CASQ2: variants seen among roughly 807,000 people sequenced by gnomAD.
The protein encoded by CASQ2 is calsequestrin-2.
In CASQ2, 49 loss-of-function variants were observed where a neutral mutation model predicts 46.5. The observed-to-expected ratio is 1.05, with a 90% CI of 0.84 to 1.34. The LOEUF is 1.34. Among genes scored for constraint, CASQ2 ranks in the 40% most tolerant of loss-of-function variants. The pLI, the probability that CASQ2 is intolerant of heterozygous loss-of-function variation, is 0.00. For synonymous variants in CASQ2, 174 were observed against 168.5 expected (o/e 1.03, Z -0.25); for missense variants, 486 against 481.3 (o/e 1.01, Z -0.09).
chr1:115,736,560 C>T (rs1647969350), intron 4 of CASQ2, among the ~76,000 whole-genome samples: 1 of 151,946 alleles, frequency 6.6e-6, no homozygotes, highest in Non-Finnish European at 1.5e-5. Context: ...TCACTTGAAC[C>T]CAGGAGGCAG....
intron 1 of CASQ2, among the ~76,000 whole-genome samples, chr1:115,757,290 T>C (rs1648795350): frequency 6.6e-6 from 1 of 152,178 alleles, no homozygotes; most frequent in South Asian, 2.1e-4. Context: ...CACACAGAAT[T>C]CAACAGCACT....
chr1:115,709,979 A>T (rs1654489933), intron 8 of CASQ2, among the ~76,000 whole-genome samples: 1 of 152,108 alleles, frequency 6.6e-6, no homozygotes, highest in Non-Finnish European at 1.5e-5. Context: ...AGTAGCTGGG[A>T]CCAGAGGCAC....
At chr1:115,725,671 G>T in intron 6 of CASQ2, 118 bp from the exon 7 acceptor site, 1 of 1,303,224 alleles carries the variant, frequency 7.7e-7, no homozygotes, top group Non-Finnish European at 1.1e-6. Context: ...CCTTTGCAAG[G>T]CAGGGAGAGC....
In CASQ2 at chr1:115,730,238, G is replaced by T. The variant is rs534988647; in HGVS notation, c.606+2663C>A. Among the ~76,000 whole-genome samples, 9 of 152,322 alleles carry T rather than the reference G, an allele frequency of 5.9e-5. No homozygotes were observed. In the East Asian group the frequency reaches 1.7e-3, roughly 29 times the overall value. ...CAATGGTTTTAAAAGCTTGTTGGAG[G>T]ATACTAATATGGATAGTGGTTGGGA... is the stretch of plus-strand genomic sequence containing the variant. On this transcript the variant is annotated intron_variant, in intron 5 of 10. Transcript: ENST00000261448.
rs1171206070 is a variant in CASQ2, at chr1:115,768,669, T to C, written c.-128A>G. ...GATTTTCTCTCTTCTTTGCCCTTCC[T>C]GGGGCTGAAAAGTGACTCTTCACCT... On this transcript the variant is annotated 5_prime_UTR_variant, in exon 1 of 11. Coordinates refer to ENST00000261448, the MANE Select transcript of CASQ2 (RefSeq NM_001232.4). The C allele has an allele frequency of 1.3e-5, 9 of 710,178 alleles. No homozygotes were observed. Among genetic ancestry groups the C allele is most frequent in the Non-Finnish European group, 2.2e-5 (9 of 404,858 alleles). The allele number at this position is 710,178 out of a possible 1,614,324, so 44.0% of individuals were successfully genotyped here.
intron 8 of CASQ2, among the ~76,000 whole-genome samples, chr1:115,714,039 C>A (rs1470867973): frequency 3.3e-5 from 5 of 152,154 alleles, no homozygotes; most frequent in African/African-American, 1.2e-4. Context: ...GACGTATATG[C>A]CACTCAGAGT....
chr1:115,713,008 T>C (rs539954383), intron 8 of CASQ2, among the ~76,000 whole-genome samples: 2 of 152,324 alleles, frequency 1.3e-5, no homozygotes, highest in African/African-American at 4.8e-5. Context: ...GAAGCTTGGA[T>C]GGAACAGAGC....
chr1:115,748,097 AG>A (rs1648449722), intron 1 of CASQ2, among the ~76,000 whole-genome samples: 2 of 151,410 alleles, frequency 1.3e-5, no homozygotes, highest in Non-Finnish European at 2.9e-5. Context: ...TGTACTTTTC[AG>A]TTCTATTGTT....
intron 3 of CASQ2, 108 bp from the exon 4 acceptor site, chr1:115,738,443 C>A: frequency 1.3e-6 from 1 of 780,800 alleles, no homozygotes; most frequent in Admixed American, 1.7e-5. Flanking sequence ...GTGGTTGGTG[C>A]CTCAAATATC....
chr1:115,761,335 T>G (rs572529047), intron 1 of CASQ2, among the ~76,000 whole-genome samples: 1 of 127,244 alleles, frequency 7.9e-6, no homozygotes, highest in African/African-American at 3.4e-5. Flanking sequence ...AGGAGGAGGT[T>G]GCAGTGAGCT....
intron 7 of CASQ2, among the ~76,000 whole-genome samples, chr1:115,723,144 T>G (rs2999466): frequency 0.034 from 5,151 of 152,194 alleles, 284 homozygotes; most frequent in African/African-American, 0.12. Context: ...AAAAGAGACG[T>G]TTTTCTTTTG....
At chr1:115,705,807 G>A (rs1349921162) in intron 8 of CASQ2, among the ~76,000 whole-genome samples, 1 of 151,966 alleles carries the variant, frequency 6.6e-6, no homozygotes. Context: ...TAGTAAATGG[G>A]GCTTCCCTCC....
intron 1 of CASQ2, among the ~76,000 whole-genome samples, chr1:115,751,500 C>A (rs1347695435): frequency 8.4e-6 from 1 of 119,560 alleles, no homozygotes; most frequent in African/African-American, 3.3e-5. Context: ...AACACCATCT[C>A]TGCTAAAAAA....
At chr1:115,710,363 C>T (rs572271205) in intron 8 of CASQ2, among the ~76,000 whole-genome samples, 100 of 152,248 alleles carry the variant, frequency 6.6e-4, no homozygotes, top group African/African-American at 2.4e-3. Context: ...CAGCATCACA[C>T]GGGAGCAAAT....
chr1:115,760,074 G>A lies in CASQ2; in HGVS notation c.234+8234C>T, dbSNP rs149572626. Among the ~76,000 whole-genome samples, 7 of 152,288 alleles carry A rather than the reference G, an allele frequency of 4.6e-5. No homozygotes were observed. In the East Asian group the frequency reaches 5.8e-4, roughly 13 times the overall value. ...AGTGATGGGTCAGTGGGAGAACCCC[G>A]GGAGGCCTGGCTGAGTCCCAAATCA... On this transcript the variant is annotated intron_variant, in intron 1 of 10. Transcript: ENST00000261448.
chr1:115,742,847 G>A (rs1273376451), intron 2 of CASQ2, among the ~76,000 whole-genome samples: 5 of 152,100 alleles, frequency 3.3e-5, no homozygotes, highest in Non-Finnish European at 7.4e-5. Flanking sequence ...GGAGTGCAGT[G>A]GTGCGATCTC....
chr1:115,761,984 G>A (rs746294934), intron 1 of CASQ2, among the ~76,000 whole-genome samples: 3 of 152,164 alleles, frequency 2.0e-5, no homozygotes, highest in Non-Finnish European at 4.4e-5. Flanking sequence ...TGTGTGGATG[G>A]TAGCAGAGCA....
At chr1:115,722,814 G>A (rs1570812394) in intron 7 of CASQ2, among the ~76,000 whole-genome samples, 2 of 152,112 alleles carry the variant, frequency 1.3e-5, no homozygotes, top group Admixed American at 6.6e-5. Context: ...TTGGGAGGCC[G>A]AGGAGGGAGG....
intron 9 of CASQ2, among the ~76,000 whole-genome samples, chr1:115,703,455 T>G (rs1654271720): frequency 6.6e-6 from 1 of 151,748 alleles, no homozygotes; most frequent in Admixed American, 6.6e-5. Flanking sequence ...AATCTCTGAC[T>G]GGGGCAAAAA....
Sources: allele counts gnomAD v4.1 joint callset (sites outside exome capture counted in the v4.1 genomes callset), GRCh38; gene constraint gnomAD v4.1.1; transcripts MANE v1.5; gene names NCBI Gene and HGNC (gene_info 2026-07-23, HGNC 2026-07-21).